TRIM65: variants seen among roughly 807,000 people sequenced by gnomAD.
TRIM65 encodes tripartite motif containing 65.
A neutral mutation model predicts 36.1 loss-of-function variants in TRIM65; 46 were observed. The observed-to-expected ratio is 1.27, with a 90% confidence interval of 1.01 to 1.63. The LOEUF (loss-of-function observed/expected upper bound fraction) is 1.63, where lower values mean the gene tolerates loss of function less well. Among genes scored for constraint, TRIM65 ranks in the 40% most tolerant of loss-of-function variants. The pLI, the probability that TRIM65 is intolerant of heterozygous loss-of-function variation, is 0.00. For missense variants in TRIM65, 708 were observed against 696.6 expected (o/e 1.02, Z -0.18); for synonymous variants, 346 against 313.6 (o/e 1.10, Z -1.09).
chr17:75,891,979 G>A (rs1452514320), intron 4 of TRIM65, 32 bp downstream of exon 4: 20 of 1,553,904 alleles, frequency 1.3e-5, no homozygotes, highest in Non-Finnish European at 1.7e-5. Context: ...CTGGACCCAG[G>A]ACAGCAGGGG....
intron 1 of TRIM65, 150 bp downstream of exon 1, chr17:75,896,374 C>G: frequency 8.5e-7 from 1 of 1,176,316 alleles, no homozygotes; most frequent in South Asian, 4.0e-5. Context: ...CTTTTATAAT[C>G]AGCTCCCAGG....
rs2065286077 is a variant in TRIM65, at chr17:75,892,488, T to C, written c.523A>G (p.Ile175Val). ...QSSQIQNSAC[I>V]LASWVSGKFS... ...TTGCCGGAGACCCAGGAGGCCAAGA[T>C]GCAGGCCGAGTTCTGGGCGGGAACA... is the stretch of plus-strand genomic sequence containing the variant. The change falls in exon 3 of 6, where the codon ATC (isoleucine) becomes GTC (valine). Residue 175 changes from isoleucine (I) to valine (V), a missense_variant. By Grantham distance (29) the Ile-to-Val change is conservative. Coordinates refer to ENST00000269383, the MANE Select transcript of TRIM65 (RefSeq NM_173547.4). The C allele has an allele frequency of 6.2e-7, 1 of 1,613,730 alleles. No homozygotes were observed. The highest frequency in any genetic ancestry group is 1.7e-5 in the Admixed American group (1 of 59,960).
At chr17:75,883,361 C>T (rs2065181125) in intron 4 of TRIM65, among the ~76,000 whole-genome samples, 3 of 152,122 alleles carry the variant, frequency 2.0e-5, no homozygotes, top group Non-Finnish European at 2.9e-5. Context: ...AGGTGAGCCA[C>T]CCACTCTGGC....
At chr17:75,891,726 TGCACACACACACGTGCTCACA>T (rs11270925) in intron 5 of TRIM65, 66 bp downstream of exon 5, 285,574 of 1,493,602 alleles carry the variant, frequency 0.19, 27,619 homozygotes, top group African/African-American at 0.31. Flanking sequence ...CATACGAACA[TGCACACACACACGTGCTCACA>T]GCACACACAG....
downstream of TRIM65, among the ~76,000 whole-genome samples, chr17:75,888,546 G>A (rs147631417): frequency 2.0e-3 from 300 of 152,314 alleles, no homozygotes; most frequent in South Asian, 5.2e-3. Flanking sequence ...GGCTCAGCCC[G>A]TTGGGTGCTT....
At chr17:75,896,438 G>A (rs1366365951) in intron 1 of TRIM65, 86 bp downstream of exon 1, 1 of 1,228,748 alleles carries the variant, frequency 8.1e-7, no homozygotes, top group Non-Finnish European at 1.0e-6. Flanking sequence ...GTGCCCGAGA[G>A]AGCAGGGCGC....
intron 1 of TRIM65, among the ~76,000 whole-genome samples, chr17:75,894,852 G>A (rs1385812242): frequency 2.0e-5 from 3 of 152,206 alleles, no homozygotes; most frequent in Non-Finnish European, 4.4e-5. Context: ...GGGGGGTCCG[G>A]CCCCCTCCTG....
intron 5 of TRIM65, 82 bp downstream of exon 5, chr17:75,891,727 GCACA>G: frequency 1.0e-6 from 1 of 968,778 alleles, no homozygotes; most frequent in Non-Finnish European, 1.4e-6. Flanking sequence ...ATACGAACAT[GCACA>G]CACACACGTG....
intron 1 of TRIM65, 115 bp from the exon 2 acceptor site, chr17:75,892,965 C>T (rs2065294648): frequency 2.4e-6 from 2 of 845,344 alleles, no homozygotes; most frequent in Admixed American, 2.3e-5. Flanking sequence ...CCCACGCCAC[C>T]CCAGGCCAGC....
chr17:75,892,709 G>A (rs758806864), intron 2 of TRIM65, 46 bp downstream of exon 2: 5 of 1,554,742 alleles, frequency 3.2e-6, no homozygotes, highest in Non-Finnish European at 3.5e-6. Context: ...GCCGCCCCAG[G>A]ATGCAGTGTG....
rs1267621279 is a variant in TRIM65, at chr17:75,892,046, C to T, written c.884G>A (p.Gly295Glu). Reference protein sequence around the residue: ...GLLLEEGSHPGAPAKPVDLAP... With the variant: ...GLLLEEGSHPEAPAKPVDLAP... The stretch of plus-strand genomic sequence containing the variant: ...TAAGTCCACAGGCTTGGCTGGTGCC[C>T]CAGGGTGGCTCCCCTCTTCCAAGAG... Residue 295 changes from glycine (G) to glutamate (E), a missense_variant, in exon 4 of 6, where the codon GGG (glycine) becomes GAG (glutamate). Transcript: ENST00000269383. 1.3e-6 allele frequency: 2 copies of T among 1,551,520 alleles called. No individual in the cohort carries two copies. Among genetic ancestry groups the T allele is most frequent in the African/African-American group, 2.7e-5 (2 of 73,168 alleles).
rs559131876 is a variant in TRIM65 at position 75,882,988 on chromosome 17, A to C, written c.350-2359T>G. On this transcript the variant is annotated intron_variant, in intron 4 of 4. Coordinates refer to the TRIM65 transcript ENST00000591668. ...TTAAGACCCTGTCTCTGGAAAAAAA[A>C]AAAACAAAAACAAAAAGCAATCCGG... is the stretch of plus-strand genomic sequence containing the variant. 4.3e-3 allele frequency among the ~76,000 whole-genome samples: 641 copies of C among 149,458 alleles called. 51 individuals carry two copies. The highest frequency in any genetic ancestry group is 0.016 in the African/African-American group (616 of 39,202).
chr17:75,886,277 C>A (rs1322414302), downstream of TRIM65, among the ~76,000 whole-genome samples: 3 of 152,106 alleles, frequency 2.0e-5, no homozygotes, highest in African/African-American at 7.2e-5. Context: ...AATCCCAGCA[C>A]TTTGGGAGGC....
chr17:75,892,959 C>T (rs781762702), intron 1 of TRIM65, 109 bp from the exon 2 acceptor site: 67 of 944,294 alleles, frequency 7.1e-5, no homozygotes, highest in Middle Eastern at 2.2e-4. Context: ...CCCCTCCCCA[C>T]GCCACCCCAG....
chr17:75,894,098 A>C (rs2144090167), intron 1 of TRIM65, among the ~76,000 whole-genome samples: 1 of 152,138 alleles, frequency 6.6e-6, no homozygotes, highest in Middle Eastern at 3.4e-3. Context: ...CATTCTAGGC[A>C]TCGATTCTTC....
intron 1 of TRIM65, among the ~76,000 whole-genome samples, chr17:75,894,992 T>C (rs2065325308): frequency 6.6e-6 from 1 of 152,186 alleles, no homozygotes; most frequent in African/African-American, 2.4e-5. Context: ...GCGGCAGGGC[T>C]GGGGCCAGGG....
At chr17:75,896,411 C>T in intron 1 of TRIM65, 113 bp downstream of exon 1, 1 of 1,219,994 alleles carries the variant, frequency 8.2e-7, no homozygotes, top group Non-Finnish European at 1.0e-6. Flanking sequence ...ACAGATGAGG[C>T]TCCCCGCCCC....
chr17:75,880,619 C>T (rs2065163331), exon 5 of TRIM65: 1 of 150,628 alleles, frequency 6.6e-6, no homozygotes, highest in South Asian at 2.1e-4. Flanking sequence ...TTTCAGGGAA[C>T]AGGATTCAAC....
chr17:75,888,483 C>A (rs1234802384), downstream of TRIM65, among the ~76,000 whole-genome samples: 1 of 152,182 alleles, frequency 6.6e-6, no homozygotes, highest in African/African-American at 2.4e-5. Context: ...ACACCTCCCA[C>A]CTCAGAAGCA....
Sources: allele counts gnomAD v4.1 joint callset (sites outside exome capture counted in the v4.1 genomes callset), GRCh38; gene constraint gnomAD v4.1.1; transcripts MANE v1.5; gene names NCBI Gene and HGNC (gene_info 2026-07-23, HGNC 2026-07-21).